PKHD1L1: variants seen among roughly 807,000 people sequenced by gnomAD.
PKHD1L1 encodes fibrocystin-L.
In PKHD1L1, 434 loss-of-function variants were observed where a neutral mutation model predicts 462.9. That is an observed-to-expected ratio of 0.94 (90% CI 0.87 to 1.02). The LOEUF (loss-of-function observed/expected upper bound fraction) is 1.02. Ranked by LOEUF, PKHD1L1 falls within the 50% of genes least tolerant of loss-of-function variation. The pLI, the probability that PKHD1L1 is intolerant of heterozygous loss-of-function variation, is 0.00. For synonymous variants in PKHD1L1, 1,781 were observed against 1,750.0 expected (o/e 1.02, Z -0.44); for missense variants, 5,202 against 5,096.1 (o/e 1.02, Z -0.63).
In PKHD1L1 at chr8:109,439,102, T is replaced by A. The variant is rs1219075183; in HGVS notation, c.3956+10T>A. On this transcript the variant is annotated intron_variant, in intron 32 of 77. Transcript: ENST00000378402. Reference sequence around the variant, plus strand: ...GTTTTGCATCAACAAGGTATGATAATGAACATAAACTTGATGGAGTTGTAG... The same window carrying A: ...GTTTTGCATCAACAAGGTATGATAAAGAACATAAACTTGATGGAGTTGTAG... 24 of 1,608,366 alleles carry A rather than the reference T, an allele frequency of 1.5e-5. No homozygotes were observed. Among genetic ancestry groups the A allele is most frequent in the Non-Finnish European group, 2.0e-5 (23 of 1,176,428 alleles).
At chr8:109,417,022 A>G (rs1299469575) in intron 21 of PKHD1L1, among the ~76,000 whole-genome samples, 5 of 152,212 alleles carry the variant, frequency 3.3e-5, no homozygotes, top group Admixed American at 1.3e-4. Flanking sequence ...ATCACTTACC[A>G]TATCATTAAA....
chr8:109,507,306 T>G (rs1819739118), intron 68 of PKHD1L1, among the ~76,000 whole-genome samples: 1 of 152,170 alleles, frequency 6.6e-6, no homozygotes. Flanking sequence ...TGTATAACAG[T>G]AATCATTCAC....
intron 21 of PKHD1L1, among the ~76,000 whole-genome samples, chr8:109,417,576 C>T (rs1053646704): frequency 2.6e-5 from 4 of 152,174 alleles, no homozygotes; most frequent in South Asian, 2.1e-4. Flanking sequence ...TGGAGTCTCA[C>T]TCTGTTGCCA....
intron 43 of PKHD1L1, 126 bp downstream of exon 43, chr8:109,453,000 TG>T (rs1816624765): frequency 1.3e-6 from 1 of 759,598 alleles, no homozygotes; most frequent in African/African-American, 1.8e-5. Context: ...AGTGTAGTCC[TG>T]GGCTTTCTAA....
chr8:109,506,979 C>T (rs1370922863), intron 68 of PKHD1L1, among the ~76,000 whole-genome samples: 4 of 152,090 alleles, frequency 2.6e-5, no homozygotes, highest in Admixed American at 6.6e-5. Flanking sequence ...GGCCAAAATA[C>T]CATCTACATT....
Position 109,465,022 on chromosome 8 carries a change from C to G in PKHD1L1, c.8190C>G (p.Leu2730=). 1 of 1,613,794 alleles carries G rather than the reference C, an allele frequency of 6.2e-7. No individual in the cohort carries two copies. The highest frequency in any genetic ancestry group is 8.5e-7 in the Non-Finnish European group (1 of 1,179,796). The part of the protein sequence containing the change: ...SAFCTAKGLV[L]PFSEGLTVSS... ...TTTGCACAGCAAAAGGCCTGGTTCT[C>G]CCATTTAGTGAAGGCTTGACTGTCT... The change falls in exon 49 of 78, where the codon CTC becomes CTG. Residue 2730 remains leucine (L), a synonymous_variant. Transcript: ENST00000378402.
Position 109,445,364 on chromosome 8 carries a change from C to T in PKHD1L1, c.5495C>T (p.Pro1832Leu). ...ALGNLTVSSP[P>L]VASLSPTSGS... ...GGAAACCTGACTGTCAGCAGCCCCC[C>T]AGTAGCATCTCTATCACCAACTTCT... Residue 1832 changes from proline (P) to leucine (L), a missense_variant, in exon 38 of 78, where the codon CCA (proline) becomes CTA (leucine). Coordinates refer to ENST00000378402, the MANE Select transcript of PKHD1L1 (RefSeq NM_177531.6). 3 of 1,613,946 alleles carry T rather than the reference C, an allele frequency of 1.9e-6. No individual in the cohort carries two copies. Among genetic ancestry groups the T allele is most frequent in the Non-Finnish European group, 1.7e-6 (2 of 1,179,876 alleles).
chr8:109,415,864 G>GTAT (rs1554637087), intron 21 of PKHD1L1, among the ~76,000 whole-genome samples: 3 of 100,420 alleles, frequency 3.0e-5, no homozygotes, highest in African/African-American at 1.0e-4. Context: ...AAAAAAAAGG[G>GTAT]GTGTGTGTGT....
At chr8:109,434,411 T>G (rs1309583956) in intron 28 of PKHD1L1, among the ~76,000 whole-genome samples, 1 of 152,078 alleles carries the variant, frequency 6.6e-6, no homozygotes, top group Non-Finnish European at 1.5e-5. Context: ...ATGTTTTCAT[T>G]TACTTTTTTG....
In PKHD1L1 at chr8:109,465,177, C is replaced by T. The variant is rs376054223; in HGVS notation, c.8345C>T (p.Thr2782Ile). The change falls in exon 49 of 78, where the codon ACA becomes ATA. Residue 2782 changes from threonine to isoleucine, a missense_variant. Transcript: ENST00000378402. ...AKFVDVQYSH[T>I]PNKAGFRWEH... Reference sequence around the variant, plus strand: ...TTTGTTGACGTCCAGTATTCTCACACACCGAACAAGGCTGGCTTTCGCTGG... The same window carrying T: ...TTTGTTGACGTCCAGTATTCTCACATACCGAACAAGGCTGGCTTTCGCTGG... The T allele has an allele frequency of 3.5e-5, 57 of 1,613,610 alleles. No individual in the cohort carries two copies. The highest frequency in any genetic ancestry group is 4.7e-5 in the Non-Finnish European group (56 of 1,179,776).
Position 109,381,481 on chromosome 8 carries a change from C to T in PKHD1L1, c.275C>T (p.Ala92Val). 1 of 1,581,544 alleles carries T rather than the reference C, an allele frequency of 6.3e-7. No individual in the cohort carries two copies. The highest frequency in any genetic ancestry group is 8.6e-7 in the Non-Finnish European group (1 of 1,160,622). ...ATTACTTGTGATGTAGAAAAAGATGCAAGTCATTCAACTCAAATTACATGC... is the reference window on the plus strand; with the variant it reads ...ATTACTTGTGATGTAGAAAAAGATGTAAGTCATTCAACTCAAATTACATGC... Reference protein sequence around the residue: ...QSITCDVEKDASHSTQITCYT... With the variant: ...QSITCDVEKDVSHSTQITCYT... The change falls in exon 3 of 78, where the codon GCA becomes GTA. Residue 92 changes from alanine (A) to valine (V), a missense_variant. By Grantham distance (64) the Ala-to-Val change is moderately conservative. This residue lies in a region of PKHD1L1 where 4,497 missense variants were observed against 4,336.8 expected (regional missense o/e 1.04). Coordinates refer to ENST00000378402, the MANE Select transcript of PKHD1L1 (RefSeq NM_177531.6).
chr8:109,425,055 C>A (rs1402657452), intron 23 of PKHD1L1, 30 bp from the exon 24 acceptor site: 3 of 1,499,998 alleles, frequency 2.0e-6, no homozygotes, highest in South Asian at 1.3e-5. Context: ...TAAGTTTAAT[C>A]ATTTTATCAA....
Position 109,445,373 on chromosome 8 carries a change from C to A in PKHD1L1, c.5504C>A (p.Ser1835Tyr). 6.2e-7 allele frequency: 1 copy of A among 1,613,972 alleles called. No individual in the cohort carries two copies. ...NLTVSSPPVA[S>Y]LSPTSGSIGG... ...ACTGTCAGCAGCCCCCCAGTAGCATCTCTATCACCAACTTCTGGAAGCATT... is the reference window on the plus strand; with the variant it reads ...ACTGTCAGCAGCCCCCCAGTAGCATATCTATCACCAACTTCTGGAAGCATT... Residue 1835 changes from serine (S) to tyrosine (Y), a missense_variant, in exon 38 of 78, where the codon TCT becomes TAT. By Grantham distance (144) the Ser-to-Tyr change is moderately radical. Around this residue, in one of 3 missense-constraint regions of PKHD1L1, gnomAD observed 4,497 missense variants for 4,336.8 expected, o/e 1.04. Coordinates refer to ENST00000378402, the MANE Select transcript of PKHD1L1 (RefSeq NM_177531.6).
At chr8:109,475,021 C>A in intron 50 of PKHD1L1, 97 bp from the exon 51 acceptor site, 3 of 1,182,544 alleles carry the variant, frequency 2.5e-6, no homozygotes, top group Non-Finnish European at 3.5e-6. Flanking sequence ...TTTGCTAAAC[C>A]AACCAAACTA....
chr8:109,497,248 T>C lies in PKHD1L1; in HGVS notation c.10575T>C (p.Ile3525=), dbSNP rs1418393001. The change falls in exon 65 of 78, where the codon ATT becomes ATC. Residue 3525 remains isoleucine, a synonymous_variant. Coordinates refer to ENST00000378402, the MANE Select transcript of PKHD1L1 (RefSeq NM_177531.6). ...TGCCAGCTGCTATATCACACAAAAT[T>C]TCCAGTAAAAATGTACAAATTAAGG... ...IYMPAAISHK[I]SSKNVQIKSS... 8.7e-6 allele frequency: 14 copies of C among 1,613,260 alleles called. No individual in the cohort carries two copies. Among genetic ancestry groups the C allele is most frequent in the Non-Finnish European group, 1.2e-5 (14 of 1,179,614 alleles).
chr8:109,386,942 G>A (rs977934713), intron 6 of PKHD1L1, among the ~76,000 whole-genome samples: 4 of 152,064 alleles, frequency 2.6e-5, no homozygotes, highest in Non-Finnish European at 5.9e-5. Context: ...ATTAGAGGTC[G>A]GGCTACCTAA....
chr8:109,481,231 T>C (rs1357386271), intron 55 of PKHD1L1, among the ~76,000 whole-genome samples: 2 of 151,942 alleles, frequency 1.3e-5, no homozygotes, highest in Non-Finnish European at 2.9e-5. Flanking sequence ...TAAGTAGATA[T>C]TGAATTTGAC....
intron 50 of PKHD1L1, among the ~76,000 whole-genome samples, chr8:109,474,609 A>G (rs527948128): frequency 3.3e-5 from 5 of 152,252 alleles, no homozygotes; most frequent in Admixed American, 3.3e-4. Context: ...TGTTGTACAG[A>G]TTTTAATTAG....
chr8:109,410,117 A>C, intron 19 of PKHD1L1, 139 bp downstream of exon 19: 1 of 532,132 alleles, frequency 1.9e-6, no homozygotes, highest in Non-Finnish European at 3.2e-6. Flanking sequence ...TTTGTTATAC[A>C]TTTGTTGTAA....
Sources: gnomAD v4.1 joint callset for allele counts (sites outside exome capture counted in the v4.1 genomes callset) on GRCh38, gnomAD v4.1.1 for gene constraint, gnomAD v4.1.1 regional missense constraint, MANE v1.5 for transcripts, NCBI Gene and HGNC (gene_info 2026-07-23, HGNC 2026-07-21) for gene names.